DCLRE1A: variants seen among roughly 807,000 people sequenced by gnomAD.
The protein encoded by DCLRE1A is DNA cross-link repair 1A protein.
Under a neutral mutation model 91.9 loss-of-function variants are expected in DCLRE1A, and 64 were observed. The observed-to-expected ratio is 0.70, with a 90% CI of 0.57 to 0.86. DCLRE1A has a LOEUF of 0.86. DCLRE1A is among the 40% of genes least tolerant of loss of function. The probability of loss-of-function intolerance (pLI) is 0.00; values close to 1 mark genes in which losing one functional copy is unlikely to be tolerated. For missense variants in DCLRE1A, 1,145 were observed against 1,213.3 expected (o/e 0.94, Z 0.84); for synonymous variants, 416 against 431.1 (o/e 0.96, Z 0.43).
rs186870492 is a variant in DCLRE1A, at chr10:113,844,459, C to T, written c.2379-215G>A. Among the ~76,000 whole-genome samples the T allele has an allele frequency of 1.8e-4, 27 of 152,316 alleles. 1 individual carries two copies. The East Asian group carries it at 4.8e-3, about 27-fold the overall frequency. On this transcript the variant is annotated intron_variant, in intron 4 of 8. Transcript: ENST00000361384. ...AGACCCAGGTTGCTCAAACTCCAAA[C>T]ATTCCCAAGAAAAGCATGTCTTCAG...
intron 5 of DCLRE1A, 113 bp downstream of exon 5, chr10:113,843,991 G>C (rs1845487617): frequency 1.4e-6 from 2 of 1,434,024 alleles, no homozygotes; most frequent in Non-Finnish European, 9.4e-7. Flanking sequence ...GCATCCCTCT[G>C]ATAAAGAGCC....
chr10:113,837,674 T>C (rs1016724793), intron 7 of DCLRE1A, among the ~76,000 whole-genome samples: 8 of 152,216 alleles, frequency 5.3e-5, no homozygotes, highest in African/African-American at 1.9e-4. Flanking sequence ...ATTTTACAGC[T>C]GCTTAATAGC....
rs1323188254 is a variant in DCLRE1A, at chr10:113,853,340, G to T, written c.-158C>A. 4.6e-6 allele frequency: 3 copies of T among 651,672 alleles called. No individual in the cohort carries two copies. Among genetic ancestry groups the T allele is most frequent in the Non-Finnish European group, 7.5e-6 (3 of 399,906 alleles). The allele number at this position is 651,672 out of a possible 1,614,324, so 40.4% of individuals were successfully genotyped here. On this transcript the variant is annotated 5_prime_UTR_variant, in exon 1 of 9. Coordinates refer to ENST00000361384, the MANE Select transcript of DCLRE1A (RefSeq NM_014881.5). The stretch of plus-strand genomic sequence containing the variant: ...AATGGGAATCTGCAGTGTTGGTAAT[G>T]AACATATTGGCAAGCTACAAACCTT...
At chr10:113,851,858 C>G (rs1470989730) in intron 1 of DCLRE1A, among the ~76,000 whole-genome samples, 1 of 152,018 alleles carries the variant, frequency 6.6e-6, no homozygotes, top group Non-Finnish European at 1.5e-5. Context: ...TCCAAGTAGC[C>G]CACCACACCT....
chr10:113,837,969 C>T (rs1328252142), intron 7 of DCLRE1A, among the ~76,000 whole-genome samples: 1 of 152,032 alleles, frequency 6.6e-6, no homozygotes, highest in Non-Finnish European at 1.5e-5. Flanking sequence ...GACTAAAATC[C>T]ATAGTTTCAA....
chr10:113,838,807 G>A (rs1845400188), intron 7 of DCLRE1A, among the ~76,000 whole-genome samples: 1 of 152,114 alleles, frequency 6.6e-6, no homozygotes, highest in African/African-American at 2.4e-5. Flanking sequence ...AGTCAACTAC[G>A]TAGCACATAC....
intron 1 of DCLRE1A, among the ~76,000 whole-genome samples, chr10:113,851,208 T>C (rs2134671251): frequency 6.6e-6 from 1 of 152,348 alleles, no homozygotes; most frequent in South Asian, 2.1e-4. Flanking sequence ...TGGACTCCAA[T>C]TTCCATTCTT....
Position 113,849,148 on chromosome 10 carries a change from A to C in DCLRE1A, c.1957T>G (p.Ser653Ala), listed in dbSNP as rs1405685795. The C allele has an allele frequency of 1.2e-6, 2 of 1,614,008 alleles. No homozygotes were observed. Among genetic ancestry groups the C allele is most frequent in the African/African-American group, 2.7e-5 (2 of 75,010 alleles). Residue 653 changes from serine to alanine, a missense_variant, in exon 2 of 9, where the codon TCA (serine) becomes GCA (alanine). By Grantham distance (99) the Ser-to-Ala change is moderately conservative. Transcript: ENST00000361384. ...GATTCTGTATTAATAAGGTGATCTG[A>C]TCTCTTCTGACACGCTCCTTCCTGC... ...SLQEGACQKR[S>A]DHLINTESEA...
At position 113,853,177 on chromosome 10, in the gene DCLRE1A, T is replaced by G. The variant is rs1181498945; in HGVS notation, c.6A>C (p.Leu2Phe). The G allele has an allele frequency of 6.5e-7, 1 of 1,547,058 alleles. No individual in the cohort carries two copies. The highest frequency in any genetic ancestry group is 2.2e-5 in the East Asian group (1 of 44,548). The change falls in exon 1 of 9, where the codon TTA becomes TTC. Residue 2 changes from leucine (L) to phenylalanine (F), a missense_variant. Physicochemically the swap from Leu to Phe is conservative, Grantham distance 22. Coordinates refer to ENST00000361384, the MANE Select transcript of DCLRE1A (RefSeq NM_014881.5). Reference sequence around the variant, plus strand: ...AAATGTCTTCTTCGGAAATGTCTTCTAACATGGCAAAATGATTTTATCATT... The same window carrying G: ...AAATGTCTTCTTCGGAAATGTCTTCGAACATGGCAAAATGATTTTATCATT... The part of the protein sequence containing the change: M[L>F]EDISEEDIWE...
At chr10:113,844,971 TAA>T (rs955134005) in intron 4 of DCLRE1A, among the ~76,000 whole-genome samples, 1 of 141,936 alleles carries the variant, frequency 7.0e-6, no homozygotes, top group African/African-American at 2.6e-5. Flanking sequence ...AACTGGCAAT[TAA>T]AAAAAAAAAA....
chr10:113,835,839 G>A (rs922414664), intron 8 of DCLRE1A, among the ~76,000 whole-genome samples: 5 of 152,170 alleles, frequency 3.3e-5, no homozygotes, highest in Admixed American at 2.6e-4. Flanking sequence ...AGAGGCTGAG[G>A]CAGAAGAATT....
Position 113,835,109 on chromosome 10 carries a change from A to C in DCLRE1A, c.*43T>G, listed in dbSNP as rs1341466501. On this transcript the variant is annotated 3_prime_UTR_variant, in exon 9 of 9. Transcript: ENST00000361384. ...CTATAGATTTAACTACTAACAAGCT[A>C]CATCCAAGGAACTTAACTACTACTG... 1.9e-6 allele frequency: 3 copies of C among 1,570,102 alleles called. No individual in the cohort carries two copies. In the African/African-American group the frequency reaches 4.1e-5, roughly 21 times the overall value.
rs1225446131 is a variant in DCLRE1A at position 113,834,819 on chromosome 10, T to C, written c.*333A>G. ...CATAATTACTTATATATATAATGCTTCAAACTACTTTATTAATTATCATTA... is the reference window on the plus strand; with the variant it reads ...CATAATTACTTATATATATAATGCTCCAAACTACTTTATTAATTATCATTA... On this transcript the variant is annotated 3_prime_UTR_variant, in exon 9 of 9. Transcript: ENST00000361384. 1 of 172,988 alleles carries C rather than the reference T, an allele frequency of 5.8e-6. No individual in the cohort carries two copies. The highest frequency in any genetic ancestry group is 6.2e-5 in the Admixed American group (1 of 16,074). The allele number at this position is 172,988 out of a possible 1,614,324, so 10.7% of individuals were successfully genotyped here.
chr10:113,853,166 G>A lies in DCLRE1A; in HGVS notation c.17C>T (p.Ser6Phe). The change falls in exon 1 of 9, where the codon TCC (serine) becomes TTC (phenylalanine). Residue 6 changes from serine (S) to phenylalanine (F), a missense_variant. By Grantham distance (155) the Ser-to-Phe change is radical (BLOSUM62 -2). Coordinates refer to ENST00000361384, the MANE Select transcript of DCLRE1A (RefSeq NM_014881.5). MLEDI[S>F]EEDIWEYKSK... ...TTTGTATTCCCAAATGTCTTCTTCGGAAATGTCTTCTAACATGGCAAAATG... is the reference window on the plus strand; with the variant it reads ...TTTGTATTCCCAAATGTCTTCTTCGAAAATGTCTTCTAACATGGCAAAATG... The A allele has an allele frequency of 6.4e-7, 1 of 1,566,204 alleles. No homozygotes were observed. Among genetic ancestry groups the A allele is most frequent in the Non-Finnish European group, 8.6e-7 (1 of 1,164,326 alleles).
intron 7 of DCLRE1A, among the ~76,000 whole-genome samples, chr10:113,841,122 T>C (rs959980118): frequency 6.6e-6 from 1 of 152,194 alleles, no homozygotes; most frequent in African/African-American, 2.4e-5. Flanking sequence ...ATCTTAAAAA[T>C]TGAAGGTTTG....
At chr10:113,846,411 T>C (rs1223626992) in intron 3 of DCLRE1A, among the ~76,000 whole-genome samples, 1 of 152,226 alleles carries the variant, frequency 6.6e-6, no homozygotes, top group Non-Finnish European at 1.5e-5. Context: ...AAATGTTCAC[T>C]TTTTAATAAT....
rs1468039294 is a variant in DCLRE1A, at chr10:113,837,139, G to A, written c.2885C>T (p.Thr962Ile). 2 of 1,613,432 alleles carry A rather than the reference G, an allele frequency of 1.2e-6. No individual in the cohort carries two copies. The highest frequency in any genetic ancestry group is 1.1e-5 in the South Asian group (1 of 90,952). Reference sequence around the variant, plus strand: ...GAACTTGTTAGAGTGTGTCCATCCTGTAGGTCGAAATGCCAAAATCTGATT... The same window carrying A: ...GAACTTGTTAGAGTGTGTCCATCCTATAGGTCGAAATGCCAAAATCTGATT... ...KYNQILAFRP[T>I]GWTHSNKFTR... Residue 962 changes from threonine (T) to isoleucine (I), a missense_variant, in exon 8 of 9, where the codon ACA becomes ATA. Physicochemically the swap from Thr to Ile is moderately conservative, Grantham distance 89. Transcript: ENST00000361384.
At chr10:113,844,490 G>A (rs115851556) in intron 4 of DCLRE1A, among the ~76,000 whole-genome samples, 2,059 of 152,316 alleles carry the variant, frequency 0.014, 37 homozygotes, top group African/African-American at 0.046. Context: ...TTCAGGACTG[G>A]CCCTTGGCTG....
In DCLRE1A at chr10:113,837,194, T is replaced by A. The variant is rs1289160309; in HGVS notation, c.2830A>T (p.Ser944Cys). The A allele has an allele frequency of 1.9e-6, 3 of 1,610,158 alleles. No individual in the cohort carries two copies. The Admixed American group carries it at 5.1e-5, about 27-fold the overall frequency. Residue 944 changes from serine to cysteine, a missense_variant, in exon 8 of 9, where the codon AGT becomes TGT. Coordinates refer to ENST00000361384, the MANE Select transcript of DCLRE1A (RefSeq NM_014881.5). ...TTCCCACCACACTTCTTCAAATGAC[T>A]CTGTAAGCCCTGTTAAATTAAAATA... ...MMQINFKGLQ[S>C]HLKKCGGKYN...
Sources: allele counts gnomAD v4.1 joint callset (sites outside exome capture counted in the v4.1 genomes callset), GRCh38; gene constraint gnomAD v4.1.1; transcripts MANE v1.5; gene names NCBI Gene and HGNC (gene_info 2026-07-23, HGNC 2026-07-21).